Variants in ALK observed in about 807,000 individuals in gnomAD.
ALK encodes ALK receptor tyrosine kinase.
Under a neutral mutation model 163.1 loss-of-function variants are expected in ALK, and 74 were observed. That is an observed-to-expected ratio of 0.45 (90% CI 0.38 to 0.55). The LOEUF is 0.55. ALK is among the 20% of genes least tolerant of loss of function. The pLI, the probability that ALK is intolerant of heterozygous loss-of-function variation, is 0.00. For synonymous variants in ALK, 960 were observed against 843.2 expected, an observed-to-expected ratio of 1.14 and a Z score of -2.40; for missense variants, 2,063 against 2,105.3, an observed-to-expected ratio of 0.98 and a Z score of 0.39.
chr2:29,643,821 A>C (rs1028639880), intron 3 of ALK, among the ~76,000 whole-genome samples: 2 of 152,158 alleles, frequency 1.3e-5, no homozygotes, highest in Non-Finnish European at 2.9e-5. Flanking sequence ...TAGTTCAACC[A>C]TTGTGGAAGT....
In ALK at chr2:29,325,052, C is replaced by T. The variant is rs59815811; in HGVS notation, c.1414+3298G>A. ...CAGCCCCAGCATGTGCGGAGGACTC[C>T]CTCTGGGAAGGTGTGGGGAGTTGAG... On this transcript the variant is annotated intron_variant, in intron 6 of 28. Transcript: ENST00000389048. 4.6e-3 allele frequency among the ~76,000 whole-genome samples: 700 copies of T among 152,180 alleles called. 13 individuals carry two copies. The highest frequency in any genetic ancestry group is 0.034 in the East Asian group (176 of 5,180).
intron 3 of ALK, among the ~76,000 whole-genome samples, chr2:29,548,340 G>T (rs1276454530): frequency 6.6e-6 from 1 of 152,148 alleles, no homozygotes. Flanking sequence ...GGGCGTGGTG[G>T]CGTGCACCTG....
chr2:29,568,171 G>A (rs751504720), intron 3 of ALK, among the ~76,000 whole-genome samples: 5 of 152,154 alleles, frequency 3.3e-5, no homozygotes, highest in Non-Finnish European at 7.3e-5. Flanking sequence ...CTTCAGAAAT[G>A]GCTCTGCAGT....
intron 3 of ALK, among the ~76,000 whole-genome samples, chr2:29,690,812 T>C (rs1429443376): frequency 6.6e-6 from 1 of 152,218 alleles, no homozygotes; most frequent in Non-Finnish European, 1.5e-5. Context: ...GGTCCTTCTA[T>C]AACTGACAAG....
intron 3 of ALK, among the ~76,000 whole-genome samples, chr2:29,639,952 T>C (rs1330006790): frequency 6.6e-6 from 1 of 152,202 alleles, no homozygotes; most frequent in Non-Finnish European, 1.5e-5. Flanking sequence ...CTAGATCAAA[T>C]GTGCTGGGTC....
At chr2:29,705,664 A>G (rs116086687) in intron 2 of ALK, among the ~76,000 whole-genome samples, 1,596 of 152,264 alleles carry the variant, frequency 0.01, 30 homozygotes, top group African/African-American at 0.035. Flanking sequence ...CTAGCTCCAC[A>G]TGTCAGAGAA....
intron 5 of ALK, among the ~76,000 whole-genome samples, chr2:29,357,306 A>G (rs1668273928): frequency 6.6e-6 from 1 of 152,114 alleles, no homozygotes; most frequent in African/African-American, 2.4e-5. Context: ...CCTCATGACC[A>G]CTATCACTGT....
In ALK at chr2:29,767,619, C is replaced by T. The variant is rs530954759; in HGVS notation, c.668-49922G>A. Among the ~76,000 whole-genome samples, 9 of 152,274 alleles carry T rather than the reference C, an allele frequency of 5.9e-5. 1 individual carries two copies. The South Asian group carries it at 1.2e-3, about 21-fold the overall frequency. On this transcript the variant is annotated intron_variant, in intron 1 of 28. Transcript: ENST00000389048. ...ATTAGGATGCGTGTATTCATTTTCC[C>T]GGGCCCTTAGTGAAATAGGCATTTT...
intron 1 of ALK, among the ~76,000 whole-genome samples, chr2:29,880,532 C>T (rs1281923378): frequency 6.6e-6 from 1 of 152,180 alleles, no homozygotes; most frequent in Non-Finnish European, 1.5e-5. Flanking sequence ...CTGTCACCCA[C>T]CCCCACTTAA....
rs1286302071 is a variant in ALK, at chr2:29,876,623, T to TGGTGATGGC, written c.667+43361_667+43369dup. The stretch of plus-strand genomic sequence containing the variant: ...ATGGTGATGGCAATAATGCTGATGG[T>TGGTGATGGC]GGTGATGGCGGTGATGGTGATGATG... On this transcript the variant is annotated intron_variant, in intron 1 of 28. Coordinates refer to ENST00000389048, the MANE Select transcript of ALK (RefSeq NM_004304.5). Among the ~76,000 whole-genome samples, 1,254 of 136,790 alleles carry TGGTGATGGC rather than the reference T, an allele frequency of 9.2e-3. 22 individuals are homozygous for TGGTGATGGC. The highest frequency in any genetic ancestry group is 0.035 in the African/African-American group (1,183 of 33,992). The allele number at this position is 136,790 out of a possible 152,430, so 89.7% of individuals were successfully genotyped here.
intron 3 of ALK, among the ~76,000 whole-genome samples, chr2:29,637,246 C>T (rs1676561775): frequency 6.6e-6 from 1 of 152,210 alleles, no homozygotes; most frequent in South Asian, 2.1e-4. Flanking sequence ...GAATATCACT[C>T]AGCAATAAAA....
intron 1 of ALK, among the ~76,000 whole-genome samples, chr2:29,726,712 C>T (rs1003451788): frequency 1.3e-5 from 2 of 152,170 alleles, no homozygotes; most frequent in Admixed American, 6.6e-5. Context: ...GGAGCTCCAG[C>T]GTGGAAGAGT....
rs1679308074 is a variant in ALK at position 29,717,826 on chromosome 2, A to T, written c.668-129T>A. 2.4e-6 allele frequency: 3 copies of T among 1,248,494 alleles called. No homozygotes were observed. In the Admixed American group the frequency reaches 5.3e-5, roughly 22 times the overall value. 77.3% of individuals were successfully genotyped at this position (1,248,494 alleles called of 1,614,324 possible). A position where few individuals can be genotyped will look rare whatever the true frequency, so the allele number is the denominator to read the frequency against. On this transcript the variant is annotated intron_variant, in intron 1 of 28. Coordinates refer to ENST00000389048, the MANE Select transcript of ALK (RefSeq NM_004304.5). ...ACATCCATCGGGAAGATGAGGGGGA[A>T]AAAATTGAGCCACCAGTAGACTGAG...
chr2:29,503,546 C>T (rs1672241374), intron 4 of ALK, among the ~76,000 whole-genome samples: 1 of 152,196 alleles, frequency 6.6e-6, no homozygotes, highest in African/African-American at 2.4e-5. Flanking sequence ...GGCACCGTAC[C>T]ATGGCACATA....
At chr2:29,702,139 G>T (rs886353477) in intron 2 of ALK, among the ~76,000 whole-genome samples, 4 of 151,998 alleles carry the variant, frequency 2.6e-5, no homozygotes, top group Non-Finnish European at 4.4e-5. Flanking sequence ...CTAAAGAAAT[G>T]GTCATGGTCA....
intron 3 of ALK, among the ~76,000 whole-genome samples, chr2:29,560,180 C>T (rs1021167085): frequency 6.6e-6 from 1 of 152,006 alleles, no homozygotes; most frequent in Non-Finnish European, 1.5e-5. Flanking sequence ...TACGTAATAG[C>T]CAAAGAGTGG....
At chr2:29,310,247 G>T (rs1290446113) in intron 8 of ALK, among the ~76,000 whole-genome samples, 1 of 152,136 alleles carries the variant, frequency 6.6e-6, no homozygotes, top group African/African-American at 2.4e-5. Flanking sequence ...GTGACTTTGG[G>T]CAGTCACTTA....
At position 29,275,219 on chromosome 2, in the gene ALK, C is replaced by G; in HGVS notation, c.1921G>C (p.Glu641Gln). The change falls in exon 11 of 29, where the codon GAG (glutamate) becomes CAG (glutamine). Residue 641 changes from glutamate (E) to glutamine (Q), a missense_variant. By Grantham distance (29) the Glu-to-Gln change is conservative (BLOSUM62 2). Coordinates refer to ENST00000389048, the MANE Select transcript of ALK (RefSeq NM_004304.5). ...GCTGTATTCTGCAGGATCTTGTCCT[C>G]TCCGCTAACTGCAATAGAGAAGACC... is the stretch of plus-strand genomic sequence containing the variant. The part of the protein sequence containing the change: ...SLDCYLTISG[E>Q]DKILQNTAPK... 6.2e-7 allele frequency: 1 copy of G among 1,614,088 alleles called. No homozygotes were observed. The highest frequency in any genetic ancestry group is 8.5e-7 in the Non-Finnish European group (1 of 1,180,040).
At chr2:29,197,509 T>C (rs777670566) in intron 27 of ALK, 33 bp downstream of exon 27, 9 of 1,611,370 alleles carry the variant, frequency 5.6e-6, no homozygotes, top group Non-Finnish European at 7.6e-6. Flanking sequence ...AACTGCTTAG[T>C]AACTAGCAGA....
Sources: allele counts gnomAD v4.1 joint callset (sites outside exome capture counted in the v4.1 genomes callset), GRCh38; gene constraint gnomAD v4.1.1; transcripts MANE v1.5; gene names NCBI Gene and HGNC (gene_info 2026-07-23, HGNC 2026-07-21).